The following EFCAB6 variants were observed in gnomAD, a reference collection of about 807,000 sequenced individuals.
EFCAB6 encodes the protein EF-hand calcium binding domain 6.
In EFCAB6, 156 loss-of-function variants were observed where a neutral mutation model predicts 169.8. The ratio of observed to expected loss-of-function variants is 0.92; its 90% CI spans 0.81 to 1.05. EFCAB6 has a LOEUF of 1.05. Among genes scored for constraint, EFCAB6 ranks in the 50% least tolerant of loss-of-function variants. The pLI, the probability that EFCAB6 is intolerant of heterozygous loss-of-function variation, is 0.00. For synonymous variants in EFCAB6, 698 were observed against 676.4 expected, an observed-to-expected ratio of 1.03 and a Z score of -0.50; for missense variants, 1,800 against 1,829.1, an observed-to-expected ratio of 0.98 and a Z score of 0.29.
intron 3 of EFCAB6, 132 bp from the exon 4 acceptor site, chr22:43,773,235 T>C: frequency 1.2e-6 from 1 of 838,522 alleles, no homozygotes; most frequent in South Asian, 1.8e-5. Context: ...GGTTTACGTG[T>C]ATCACCGTTA....
At chr22:43,691,634 A>C (rs2058416324) in intron 10 of EFCAB6, among the ~76,000 whole-genome samples, 1 of 152,212 alleles carries the variant, frequency 6.6e-6, no homozygotes, top group Non-Finnish European at 1.5e-5. Flanking sequence ...AAACAAAAAC[A>C]AAATTTAAAA....
chr22:43,667,163 G>A lies in EFCAB6; in HGVS notation c.1924C>T (p.Arg642Ter), dbSNP rs750468315. The A allele has an allele frequency of 1.4e-5, 22 of 1,613,972 alleles. No homozygotes were observed. Among genetic ancestry groups the A allele is most frequent in the Admixed American group, 5.0e-5 (3 of 59,984 alleles). ...GGCTCCTTGCTGAAGTCAAGAAATC[G>A]TTTTTTGAATGCCGGGTCCTGCTGC... Reference protein sequence around the residue: ...IQQQDPAFKKRFLDFSKEPNG... With the variant: ...IQQQDPAFKK The change falls in exon 17 of 32, where the codon CGA (arginine) becomes TGA (stop). Residue 642 changes from arginine to a stop codon, truncating the protein, a stop_gained. Coordinates refer to ENST00000262726, the MANE Select transcript of EFCAB6 (RefSeq NM_022785.4). LOFTEE classifies it high-confidence loss of function.
intron 30 of EFCAB6, among the ~76,000 whole-genome samples, chr22:43,532,227 G>A (rs536838344): frequency 2.6e-5 from 4 of 152,350 alleles, no homozygotes; most frequent in East Asian, 1.9e-4. Context: ...GGGCTGACCC[G>A]CAGCACCTAG....
chr22:43,559,329 T>C (rs1486449223), intron 26 of EFCAB6, among the ~76,000 whole-genome samples: 1 of 152,186 alleles, frequency 6.6e-6, no homozygotes, highest in Non-Finnish European at 1.5e-5. Flanking sequence ...CTTACGCCAG[T>C]TAGAATGGTG....
intron 27 of EFCAB6, among the ~76,000 whole-genome samples, chr22:43,543,158 C>T (rs1435115501): frequency 6.6e-6 from 1 of 152,190 alleles, no homozygotes; most frequent in Non-Finnish European, 1.5e-5. Flanking sequence ...GCCCCAGGCT[C>T]CAAGGAGAGC....
intron 4 of EFCAB6, among the ~76,000 whole-genome samples, chr22:43,765,905 A>G (rs2061312582): frequency 6.6e-6 from 1 of 152,192 alleles, no homozygotes; most frequent in Non-Finnish European, 1.5e-5. Context: ...TATTATCTCA[A>G]TGTTTAATTT....
intron 20 of EFCAB6, 75 bp from the exon 21 acceptor site, chr22:43,615,997 T>TC (rs1431510936): frequency 1.7e-5 from 22 of 1,262,220 alleles, no homozygotes; most frequent in East Asian, 1.0e-4. Context: ...GGTTTCCCTA[T>TC]CCCCCCTGTT....
intron 6 of EFCAB6, among the ~76,000 whole-genome samples, chr22:43,748,069 C>T (rs751690700): frequency 6.6e-6 from 1 of 152,184 alleles, no homozygotes; most frequent in Admixed American, 6.5e-5. Context: ...GGTGTCCCCA[C>T]AACACCAGTA....
chr22:43,784,200 C>T (rs79868751), intron 2 of EFCAB6, among the ~76,000 whole-genome samples: 2,724 of 152,058 alleles, frequency 0.018, 73 homozygotes, highest in African/African-American at 0.062. Flanking sequence ...AAATATTTAA[C>T]GTGTTGAAAT....
intron 22 of EFCAB6, among the ~76,000 whole-genome samples, chr22:43,601,615 C>T (rs1198349498): frequency 6.6e-6 from 1 of 152,220 alleles, no homozygotes; most frequent in Non-Finnish European, 1.5e-5. Context: ...CCACAGTTGC[C>T]TGTGACACAC....
chr22:43,781,748 T>C (rs1408266736), intron 3 of EFCAB6, among the ~76,000 whole-genome samples: 1 of 152,140 alleles, frequency 6.6e-6, no homozygotes, highest in Non-Finnish European at 1.5e-5. Flanking sequence ...GGTTCATCGA[T>C]TGTAACAAAT....
chr22:43,807,421 C>A (rs938169036), intron 2 of EFCAB6, among the ~76,000 whole-genome samples: 5 of 152,196 alleles, frequency 3.3e-5, no homozygotes, highest in African/African-American at 9.7e-5. Flanking sequence ...AGCATCAAGT[C>A]ACAGACCATC....
At chr22:43,807,035 T>G (rs538337062) in intron 2 of EFCAB6, among the ~76,000 whole-genome samples, 1 of 152,306 alleles carries the variant, frequency 6.6e-6, no homozygotes, top group Non-Finnish European at 1.5e-5. Context: ...ATTCTCTGCT[T>G]CCAGACCTTT....
intron 6 of EFCAB6, among the ~76,000 whole-genome samples, chr22:43,746,610 G>A (rs1163438332): frequency 6.6e-6 from 1 of 152,142 alleles, no homozygotes; most frequent in Non-Finnish European, 1.5e-5. Flanking sequence ...TATAAGCTGA[G>A]GGACTTACAA....
At chr22:43,786,346 T>C (rs770096889) in intron 2 of EFCAB6, among the ~76,000 whole-genome samples, 1 of 152,056 alleles carries the variant, frequency 6.6e-6, no homozygotes, top group Non-Finnish European at 1.5e-5. Context: ...CAAATTCTTA[T>C]GAAAAATAGA....
chr22:43,735,825 A>G (rs373009693), intron 7 of EFCAB6, 32 bp downstream of exon 7: 56 of 1,608,956 alleles, frequency 3.5e-5, no homozygotes, highest in Non-Finnish European at 4.5e-5. Context: ...AGTTCTACTG[A>G]GCAATCTCTC....
intron 27 of EFCAB6, among the ~76,000 whole-genome samples, chr22:43,545,081 A>G (rs1384699299): frequency 1.3e-5 from 2 of 152,160 alleles, no homozygotes; most frequent in East Asian, 3.9e-4. Context: ...CAGGAGGTGG[A>G]GCTTGCAGTG....
At chr22:43,597,936 C>G (rs747271136) in intron 23 of EFCAB6, among the ~76,000 whole-genome samples, 5 of 152,100 alleles carry the variant, frequency 3.3e-5, no homozygotes, top group Non-Finnish European at 7.4e-5. Context: ...ATGGACAGAA[C>G]TAGACATCAT....
chr22:43,591,104 G>GT (rs1322016271), intron 23 of EFCAB6, among the ~76,000 whole-genome samples: 7 of 104,378 alleles, frequency 6.7e-5, no homozygotes, highest in African/African-American at 1.5e-4. Context: ...GTTGTTTTTT[G>GT]TTTTTTGTTT....
Sources: gnomAD v4.1 joint callset for allele counts (sites outside exome capture counted in the v4.1 genomes callset) on GRCh38, gnomAD v4.1.1 for gene constraint, MANE v1.5 for transcripts, NCBI Gene and HGNC (gene_info 2026-07-23, HGNC 2026-07-21) for gene names.